The following CAMK1 variants were observed in gnomAD, a reference collection of about 807,000 sequenced individuals.
The protein encoded by CAMK1 is calcium/calmodulin-dependent protein kinase type 1.
Under a neutral mutation model 49.1 loss-of-function variants are expected in CAMK1, and 39 were observed. The observed-to-expected ratio is 0.79, with a 90% CI of 0.62 to 1.04. The LOEUF is 1.04. Among genes scored for constraint, CAMK1 ranks in the 50% least tolerant of loss-of-function variants. The pLI is 0.00. For synonymous variants in CAMK1, 192 were observed against 185.2 expected (o/e 1.04, Z -0.30); for missense variants, 457 against 472.2 (o/e 0.97, Z 0.30).
chr3:9,768,782 TGAG>T (rs1449821759), intron 1 of CAMK1, among the ~76,000 whole-genome samples: 1 of 152,102 alleles, frequency 6.6e-6, no homozygotes, highest in African/African-American at 2.4e-5. Flanking sequence ...TAAGGGAGAA[TGAG>T]GAGAAGGTGC....
rs925189909 is a variant in CAMK1 at position 9,757,658 on chromosome 3, C to G, written c.1031-37G>C. The G allele has an allele frequency of 1.5e-5, 25 of 1,613,972 alleles. No homozygotes were observed. Among genetic ancestry groups the G allele is most frequent in the African/African-American group, 4.0e-5 (3 of 74,932 alleles). On this transcript the variant is annotated intron_variant, in intron 11 of 11. Coordinates refer to ENST00000256460, the MANE Select transcript of CAMK1 (RefSeq NM_003656.5). The surrounding 1 kb of genome is among the most constrained non-coding windows in gnomAD (Gnocchi z 4.5). ...GACAGAACAGAGGTGGCCGCAGGGGCAGGCCCTCCACTCCAGCCCGGGTGC... is the reference window on the plus strand; with the variant it reads ...GACAGAACAGAGGTGGCCGCAGGGGGAGGCCCTCCACTCCAGCCCGGGTGC...
rs772324915 is a variant in CAMK1 at position 9,759,202 on chromosome 3, A to G, written c.912+286T>C. ...TAACTGACAGCTCTGTCAGGTCATC[A>G]CCACTTTTATGACCTTTCTCGGACC... On this transcript the variant is annotated intron_variant, in intron 10 of 11. Coordinates refer to ENST00000256460, the MANE Select transcript of CAMK1 (RefSeq NM_003656.5). 4.3e-6 allele frequency: 7 copies of G among 1,613,854 alleles called. No homozygotes were observed. In the Admixed American group the frequency reaches 1.2e-4, roughly 27 times the overall value.
intron 10 of CAMK1, chr3:9,758,526 G>A (rs1283893719): frequency 1.3e-5 from 2 of 155,284 alleles, no homozygotes; most frequent in East Asian, 3.8e-4. Flanking sequence ...CCCTGTTGCT[G>A]CTACTGTGGT....
chr3:9,759,946 T>C (rs2077770621), intron 8 of CAMK1, 196 bp from the exon 9 acceptor site: 1 of 768,380 alleles, frequency 1.3e-6, no homozygotes, highest in Non-Finnish European at 2.0e-6. Flanking sequence ...CCTTTCTCTC[T>C]TAAGAAAAAC....
rs1173490516 is a variant in CAMK1 at position 9,761,458 on chromosome 3, T to TA, written c.632+2dup. ...CAGCCTACCATGGCCAAGCCCCACT[T>TA]ACAAGATGTAGGCGATGACACCTAT... On this transcript the variant is annotated splice_region_variant and intron_variant, in intron 7 of 11. Transcript: ENST00000256460. 1.2e-6 allele frequency: 2 copies of TA among 1,608,790 alleles called. No individual in the cohort carries two copies. The highest frequency in any genetic ancestry group is 1.7e-6 in the Non-Finnish European group (2 of 1,176,932).
chr3:9,766,202 C>G, intron 2 of CAMK1: 1 of 761,170 alleles, frequency 1.3e-6, no homozygotes, highest in Non-Finnish European at 2.3e-6. Context: ...TTTGCCACCA[C>G]CTGGGGAGAG....
At chr3:9,763,706 C>T (rs891828406) in intron 3 of CAMK1, among the ~76,000 whole-genome samples, 2 of 152,166 alleles carry the variant, frequency 1.3e-5, no homozygotes, top group Admixed American at 6.6e-5. Context: ...AGTTTTCTGG[C>T]TAGGCACAGA....
chr3:9,766,100 G>C (rs141589442), intron 2 of CAMK1: 4 of 1,463,706 alleles, frequency 2.7e-6, no homozygotes, highest in Non-Finnish European at 3.8e-6. Context: ...CACAGTAATT[G>C]GTCATGTGAT....
At chr3:9,764,000 A>G (rs2078018661) in intron 3 of CAMK1, among the ~76,000 whole-genome samples, 1 of 152,038 alleles carries the variant, frequency 6.6e-6, no homozygotes, top group African/African-American at 2.4e-5. Flanking sequence ...AAAAATATAT[A>G]TATATAGTTT....
chr3:9,766,705 C>G, intron 2 of CAMK1: 1 of 891,288 alleles, frequency 1.1e-6, no homozygotes, highest in Non-Finnish European at 1.4e-6. Flanking sequence ...TGTTTGCTTT[C>G]TCTGGGAGAA....
intron 3 of CAMK1, among the ~76,000 whole-genome samples, chr3:9,765,154 G>T (rs2078092907): frequency 6.6e-6 from 1 of 151,492 alleles, no homozygotes; most frequent in African/African-American, 2.4e-5. Flanking sequence ...TTGAACCCAA[G>T]AGGCAGAGGT....
chr3:9,761,842 G>C (rs951489369), intron 5 of CAMK1, 85 bp from the exon 6 acceptor site: 1 of 1,539,192 alleles, frequency 6.5e-7, no homozygotes. Flanking sequence ...CACCTTCTGA[G>C]AAATAATGGA....
At chr3:9,759,407 G>A in intron 10 of CAMK1, 81 bp downstream of exon 10, 1 of 1,591,408 alleles carries the variant, frequency 6.3e-7, no homozygotes, top group Non-Finnish European at 8.6e-7. Flanking sequence ...TGTGATGCCA[G>A]GTGCTGTGCA....
Position 9,764,615 on chromosome 3 carries a change from TTGTTTTTTTTTTG to T in CAMK1, c.215+1131_215+1143del, listed in dbSNP as rs1188447222. The stretch of plus-strand genomic sequence containing the variant: ...GCGTGAGCCACTGCGCCTGGCGTTT[TTGTTTTTTTTTTG>T]TTTTTTTTTTTTTTTTTGAGATGGA... On this transcript the variant is annotated intron_variant, in intron 3 of 11. Coordinates refer to ENST00000256460, the MANE Select transcript of CAMK1 (RefSeq NM_003656.5). Among the ~76,000 whole-genome samples the T allele has an allele frequency of 4.3e-4, 48 of 112,922 alleles. 1 individual carries two copies. The highest frequency in any genetic ancestry group is 3.4e-4 in the Non-Finnish European group (19 of 55,320). 74.1% of individuals were successfully genotyped at this position (112,922 alleles called of 152,430 possible).
rs2078264709 is a variant in CAMK1, at chr3:9,769,894, C to G, written c.-95G>C. The G allele has an allele frequency of 6.6e-6, 1 of 152,174 alleles. No individual in the cohort carries two copies. The highest frequency in any genetic ancestry group is 2.4e-5 in the African/African-American group (1 of 41,454). The allele number at this position is 152,174 out of a possible 1,614,324, so 9.4% of individuals were successfully genotyped here. ...GCGGTGGTTGGCGCCGAGCTGTGGCCGCGGTCCTCACCGCTGCGTGCCTGG... is the reference window on the plus strand; with the variant it reads ...GCGGTGGTTGGCGCCGAGCTGTGGCGGCGGTCCTCACCGCTGCGTGCCTGG... On this transcript the variant is annotated 5_prime_UTR_variant, in exon 1 of 12. Coordinates refer to ENST00000256460, the MANE Select transcript of CAMK1 (RefSeq NM_003656.5).
chr3:9,764,611 GTTTTTGTTTTTTTTTTGTTTT>G (rs991074308), intron 3 of CAMK1, among the ~76,000 whole-genome samples: 1 of 125,076 alleles, frequency 8.0e-6, no homozygotes, highest in Non-Finnish European at 1.6e-5. Context: ...TGCGCCTGGC[GTTTTTGTTTTTTTTTTGTTTT>G]TTTTTTTTTT....
chr3:9,761,921 A>G, intron 5 of CAMK1, 164 bp from the exon 6 acceptor site: 1 of 1,073,358 alleles, frequency 9.3e-7, no homozygotes, highest in South Asian at 1.7e-5. Context: ...AAGGCCAAAA[A>G]TTCCAGGAAG....
chr3:9,759,146 A>G (rs1174164507), intron 10 of CAMK1: 1 of 1,487,042 alleles, frequency 6.7e-7, no homozygotes, highest in Non-Finnish European at 9.4e-7. Flanking sequence ...GGCTATAGAC[A>G]TTATTCCGCT....
chr3:9,767,759 C>A lies in CAMK1; in HGVS notation c.-10G>T. 6.2e-7 allele frequency: 1 copy of A among 1,613,580 alleles called. No individual in the cohort carries two copies. Among genetic ancestry groups the A allele is most frequent in the Non-Finnish European group, 8.5e-7 (1 of 1,179,904 alleles). ...CCACTGCCCCCAGCATGGCCCACTG[C>A]CCCCCGACCACAGCCAGGGCTCCTG... On this transcript the variant is annotated 5_prime_UTR_variant, in exon 2 of 12. Coordinates refer to ENST00000256460, the MANE Select transcript of CAMK1 (RefSeq NM_003656.5).
Sources: gnomAD v4.1 joint callset for allele counts (sites outside exome capture counted in the v4.1 genomes callset) on GRCh38, gnomAD v4.1.1 for gene constraint, Gnocchi (gnomAD v3.1) non-coding constraint, MANE v1.5 for transcripts, NCBI Gene and HGNC (gene_info 2026-07-23, HGNC 2026-07-21) for gene names.